Variants in TTC3 observed in about 807,000 individuals in gnomAD.
The protein encoded by TTC3 is E3 ubiquitin-protein ligase TTC3.
Under a neutral mutation model 249.6 loss-of-function variants are expected in TTC3, and 180 were observed. The ratio of observed to expected loss-of-function variants is 0.72; its 90% CI spans 0.64 to 0.82. TTC3 has a LOEUF of 0.82. Among genes scored for constraint, TTC3 ranks in the 40% least tolerant of loss-of-function variants. TTC3 has a pLI of 0.00. For missense variants in TTC3, 2,061 were observed against 2,398.4 expected, an observed-to-expected ratio of 0.86 and a Z score of 2.94; for synonymous variants, 717 against 805.0, an observed-to-expected ratio of 0.89 and a Z score of 1.85.
At chr21:37,183,055 T>A in intron 36 of TTC3, 142 bp downstream of exon 36, 1 of 804,754 alleles carries the variant, frequency 1.2e-6, no homozygotes, top group Non-Finnish European at 1.8e-6. Context: ...TTGTCTCATT[T>A]AAAAAAGTAT....
At chr21:37,145,233 C>T (rs1000728612) in intron 21 of TTC3, among the ~76,000 whole-genome samples, 2 of 152,172 alleles carry the variant, frequency 1.3e-5, no homozygotes, top group African/African-American at 4.8e-5. Context: ...CACATGTACT[C>T]AGAACTTGAT....
At chr21:37,145,308 A>T (rs570740190) in intron 21 of TTC3, among the ~76,000 whole-genome samples, 1 of 152,348 alleles carries the variant, frequency 6.6e-6, no homozygotes, top group South Asian at 2.1e-4. Flanking sequence ...AAGACAAATA[A>T]TCTAAGAAGT....
chr21:37,158,147 T>A, intron 28 of TTC3: 1 of 985,464 alleles, frequency 1.0e-6, no homozygotes, highest in Non-Finnish European at 1.2e-6. Flanking sequence ...GCTTCATGAC[T>A]GAAGGTGACA....
At chr21:37,084,908 G>T (rs971841236) in intron 1 of TTC3, among the ~76,000 whole-genome samples, 17 of 152,172 alleles carry the variant, frequency 1.1e-4, no homozygotes, top group African/African-American at 3.9e-4. Flanking sequence ...CAGGAGAATC[G>T]CTTGAACCCG....
chr21:37,141,003 A>T (rs745667295), intron 20 of TTC3, among the ~76,000 whole-genome samples: 102 of 152,272 alleles, frequency 6.7e-4, no homozygotes, highest in Non-Finnish European at 1.4e-3. Flanking sequence ...TGATTGTTTA[A>T]TTTTTTTGAT....
rs764578287 is a variant in TTC3 at position 37,088,240 on chromosome 21, C to G, written c.232C>G (p.Leu78Val). The change falls in exon 4 of 46, where the codon CTG becomes GTG. Residue 78 changes from leucine (L) to valine (V), a missense_variant. Coordinates refer to ENST00000355666, the Ensembl canonical transcript of TTC3. ...ATGGTGTAGTAAACCAATTTCTGTC[C>G]TGCAAGATTATTGCGATGCCATTAA... The G allele has an allele frequency of 1.2e-6, 2 of 1,612,338 alleles. No homozygotes were observed. The highest frequency in any genetic ancestry group is 2.7e-5 in the African/African-American group (2 of 74,834).
At chr21:37,171,831 T>G (rs2081825190) in intron 34 of TTC3, among the ~76,000 whole-genome samples, 4 of 152,200 alleles carry the variant, frequency 2.6e-5, no homozygotes, top group Admixed American at 2.6e-4. Flanking sequence ...CCCTGCTTTT[T>G]TACACTTGAA....
At chr21:37,101,823 A>G (rs1001736780) in intron 10 of TTC3, among the ~76,000 whole-genome samples, 1 of 151,322 alleles carries the variant, frequency 6.6e-6, no homozygotes, top group Non-Finnish European at 1.5e-5. Context: ...TTGGATCTGT[A>G]TATAGAGACC....
At chr21:37,125,446 C>T (rs965592247) in intron 14 of TTC3, among the ~76,000 whole-genome samples, 6 of 152,100 alleles carry the variant, frequency 3.9e-5, no homozygotes, top group Non-Finnish European at 1.5e-5. Flanking sequence ...TCAATAACAA[C>T]ACAGTATTTT....
At chr21:37,094,145 C>T in intron 8 of TTC3, 55 bp downstream of exon 8, 3 of 1,039,394 alleles carry the variant, frequency 2.9e-6, no homozygotes, top group Non-Finnish European at 4.1e-6. Context: ...AACTTTTTAA[C>T]ACTCAGAGGA....
chr21:37,183,055 TA>T (rs1411583353), intron 36 of TTC3, 142 bp downstream of exon 36: 2 of 804,754 alleles, frequency 2.5e-6, no homozygotes, highest in Non-Finnish European at 3.6e-6. Context: ...TTGTCTCATT[TA>T]AAAAAGTATT....
At chr21:37,199,399 G>A (rs1233503436) in intron 44 of TTC3, among the ~76,000 whole-genome samples, 1 of 152,234 alleles carries the variant, frequency 6.6e-6, no homozygotes, top group Non-Finnish European at 1.5e-5. Context: ...AAGGGTAAGT[G>A]CTGTGAGCTG....
intron 2 of TTC3, 111 bp downstream of exon 2, chr21:37,087,512 T>G: frequency 5.3e-6 from 7 of 1,314,004 alleles, no homozygotes; most frequent in Non-Finnish European, 7.4e-6. Context: ...GACAGGGAGG[T>G]ACACATGCTG....
rs758464481 is a variant in TTC3, at chr21:37,140,576, G to A, written c.1675G>A (p.Glu559Lys). ...GCTATTCAAGGAATTATCTGAAGCC[G>A]AAAACCAGTTTAAGAGGATTATTGA... Residue 559 changes from glutamate to lysine, a missense_variant, in exon 20 of 46, where the codon GAA (glutamate) becomes AAA (lysine). Physicochemically the swap from Glu to Lys is moderately conservative, Grantham distance 56. Transcript: ENST00000355666. 2.3e-5 allele frequency: 36 copies of A among 1,583,376 alleles called. No individual in the cohort carries two copies. Among genetic ancestry groups the A allele is most frequent in the East Asian group, 7.0e-5 (3 of 42,884 alleles).
At position 37,143,577 on chromosome 21, in the gene TTC3, A is replaced by C. The variant is rs1035945338; in HGVS notation, c.1773-948A>C. Reference sequence around the variant, plus strand: ...CACACCAGTTAGAATGGCGATCATTAAAAAGTCAAGAAACAACAGGTGCTG... The same window carrying C: ...CACACCAGTTAGAATGGCGATCATTCAAAAGTCAAGAAACAACAGGTGCTG... On this transcript the variant is annotated intron_variant, in intron 20 of 45. Transcript: ENST00000355666. Among the ~76,000 whole-genome samples, 826 of 152,008 alleles carry C rather than the reference A, an allele frequency of 5.4e-3. 6 individuals carry two copies. The highest frequency in any genetic ancestry group is 0.019 in the African/African-American group (791 of 41,462).
chr21:37,118,674 G>A (rs2076353825), intron 11 of TTC3, among the ~76,000 whole-genome samples: 1 of 152,170 alleles, frequency 6.6e-6, no homozygotes, highest in Admixed American at 6.6e-5. Flanking sequence ...GTTGGATCCA[G>A]ATTTGTACAC....
chr21:37,126,207 C>A, intron 15 of TTC3, 64 bp downstream of exon 15: 1 of 1,475,000 alleles, frequency 6.8e-7, no homozygotes, highest in Non-Finnish European at 9.4e-7. Context: ...TTTGGATGCC[C>A]TACAATGTGC....
At chr21:37,104,523 G>C (rs1279465669) in intron 10 of TTC3, among the ~76,000 whole-genome samples, 1 of 149,816 alleles carries the variant, frequency 6.7e-6, no homozygotes, top group African/African-American at 2.5e-5. Flanking sequence ...GTGGGAGGCG[G>C]AGGTTGCAGT....
intron 10 of TTC3, among the ~76,000 whole-genome samples, chr21:37,104,129 C>G (rs1027904538): frequency 1.3e-5 from 2 of 152,098 alleles, no homozygotes; most frequent in African/African-American, 2.4e-5. Context: ...AGAAGTTGCT[C>G]GTGGTTGGTG....
Sources: gnomAD v4.1 joint callset for allele counts (sites outside exome capture counted in the v4.1 genomes callset) on GRCh38, gnomAD v4.1.1 for gene constraint, MANE v1.5 for transcripts, NCBI Gene and HGNC (gene_info 2026-07-23, HGNC 2026-07-21) for gene names.